The following ZNF723 variants were observed in gnomAD, a reference collection of about 807,000 sequenced individuals.
The protein encoded by ZNF723 is zinc finger protein 723.
A neutral mutation model predicts 9.4 loss-of-function variants in ZNF723; 5 were observed. The ratio of observed to expected loss-of-function variants is 0.53; its 90% CI spans 0.28 to 1.12. The LOEUF is 1.12. ZNF723 is among the 50% of genes most tolerant of loss of function. ZNF723 has a pLI of 0.10. For missense variants in ZNF723, 450 were observed against 501.5 expected, an observed-to-expected ratio of 0.90 and a Z score of 0.98; for synonymous variants, 158 against 168.8, an observed-to-expected ratio of 0.94 and a Z score of 0.49.
intron 3 of ZNF723, among the ~76,000 whole-genome samples, chr19:22,852,464 CTCTA>C (rs370755373): frequency 6.6e-6 from 1 of 151,950 alleles, no homozygotes; most frequent in Admixed American, 6.6e-5. Flanking sequence ...TAAATATTAT[CTCTA>C]TCTTTTATGA....
chr19:22,818,959 C>T, the ZNF723 span, among the ~76,000 whole-genome samples: 3 of 152,150 alleles, frequency 2.0e-5, no homozygotes, highest in African/African-American at 4.8e-5. Flanking sequence ...ATCTCTGCAC[C>T]TATTACTCAG....
chr19:22,848,909 C>T (rs1054497803), intron 2 of ZNF723, among the ~76,000 whole-genome samples: 3 of 151,920 alleles, frequency 2.0e-5, no homozygotes, highest in African/African-American at 7.3e-5. Context: ...CATGTGCCAC[C>T]AAGCCCAGCT....
chr19:22,814,948 G>A, the ZNF723 span, among the ~76,000 whole-genome samples: 6 of 152,050 alleles, frequency 3.9e-5, no homozygotes, highest in East Asian at 1.2e-3. Context: ...TATGTCACTG[G>A]GCCTATCACC....
At chr19:22,812,954 T>TTTG in the ZNF723 span, among the ~76,000 whole-genome samples, 26 of 151,304 alleles carry the variant, frequency 1.7e-4, no homozygotes, top group African/African-American at 4.6e-4. Context: ...AAGGTGTTTT[T>TTTG]TTTGTTTGTT....
At chr19:22,844,147 G>T (rs550215866) in intron 1 of ZNF723, among the ~76,000 whole-genome samples, 1 of 152,218 alleles carries the variant, frequency 6.6e-6, no homozygotes, top group South Asian at 2.1e-4. Flanking sequence ...GAACCCCAAA[G>T]GAGATAAAGG....
intron 3 of ZNF723, among the ~76,000 whole-genome samples, chr19:22,854,310 CTCT>C (rs1380965447): frequency 5.9e-5 from 9 of 151,896 alleles, no homozygotes; most frequent in South Asian, 4.2e-4. Flanking sequence ...TTATTTTGAT[CTCT>C]TCTTCTCTCA....
upstream of ZNF723, among the ~76,000 whole-genome samples, chr19:22,829,446 C>T (rs1185482832): frequency 4.0e-5 from 6 of 151,856 alleles, no homozygotes; most frequent in East Asian, 1.2e-3. Flanking sequence ...CTATCATGCC[C>T]GGCTAATTTT....
intron 3 of ZNF723, among the ~76,000 whole-genome samples, chr19:22,852,847 A>G (rs968673756): frequency 3.3e-5 from 5 of 152,180 alleles, no homozygotes; most frequent in Non-Finnish European, 7.4e-5. Context: ...AAATGCCACT[A>G]TGTTTTCTGT....
upstream of ZNF723, among the ~76,000 whole-genome samples, chr19:22,831,889 CA>C (rs201513491): frequency 0.021 from 3,178 of 150,012 alleles, 51 homozygotes; most frequent in South Asian, 0.033. Flanking sequence ...TCCTGGGCGA[CA>C]AGAGCGAGAC....
intron 3 of ZNF723, 147 bp downstream of exon 3, chr19:22,849,440 A>T: frequency 2.4e-6 from 1 of 422,742 alleles, no homozygotes; most frequent in Non-Finnish European, 4.3e-6. Context: ...TTTTACTCTC[A>T]CATAGGGGCA....
Position 22,848,120 on chromosome 19 carries a change from AAT to A in ZNF723, c.4-140_4-139del, listed in dbSNP as rs1048305059. 6 of 386,138 alleles carry A rather than the reference AAT, an allele frequency of 1.6e-5. No homozygotes were observed. The South Asian group carries it at 3.1e-4, about 20-fold the overall frequency. 23.9% of individuals were successfully genotyped at this position (386,138 alleles called of 1,614,324 possible). ...TCTGTCTTAAAAAAAAAAAAAAAAA[AAT>A]TATTGGAGGATTTCAGTCATTCCTA... On this transcript the variant is annotated intron_variant, in intron 1 of 3. Coordinates refer to ENST00000600766, the MANE Select transcript of ZNF723 (RefSeq NM_001349726.2).
chr19:22,843,648 C>CA (rs1967274200), intron 1 of ZNF723, among the ~76,000 whole-genome samples: 1 of 151,952 alleles, frequency 6.6e-6, no homozygotes, highest in Admixed American at 6.6e-5. Flanking sequence ...CAGATGTGTG[C>CA]AAAAAAATTT....
Position 22,857,515 on chromosome 19 carries a change from A to G in ZNF723, c.624A>G (p.Lys208=). Residue 208 remains lysine, a synonymous_variant, in exon 4 of 4, where the codon AAA becomes AAG. Transcript: ENST00000600766. ...GTTACAAATGTGAAGAATGTGGCAA[A>G]GCCTTTAGTGTGCCCTCAAAGCTTA... ...VNCYKCEECG[K]AFSVPSKLNN... 1 of 1,223,998 alleles carries G rather than the reference A, an allele frequency of 8.2e-7. No homozygotes were observed. 75.8% of individuals were successfully genotyped at this position (1,223,998 alleles called of 1,614,324 possible).
At chr19:22,832,868 G>A (rs2145203474) in intron 1 of ZNF723, among the ~76,000 whole-genome samples, 1 of 152,208 alleles carries the variant, frequency 6.6e-6, no homozygotes, top group African/African-American at 2.4e-5. Context: ...CCATTAGAGG[G>A]GCTTGAAGAA....
the ZNF723 span, among the ~76,000 whole-genome samples, chr19:22,812,735 T>A: frequency 6.6e-6 from 1 of 152,158 alleles, no homozygotes; most frequent in African/African-American, 2.4e-5. Flanking sequence ...CAAGTCTCCC[T>A]CATGAAAACA....
the ZNF723 span, among the ~76,000 whole-genome samples, chr19:22,818,497 G>A: frequency 2.6e-5 from 4 of 152,206 alleles, no homozygotes; most frequent in African/African-American, 9.6e-5. Flanking sequence ...GTTTGCAGGA[G>A]GGATTGAGTC....
At chr19:22,822,779 G>A in the ZNF723 span, among the ~76,000 whole-genome samples, 4 of 152,064 alleles carry the variant, frequency 2.6e-5, no homozygotes, top group Admixed American at 2.0e-4. Flanking sequence ...GGAGAATTGC[G>A]TGAACCTGGG....
At chr19:22,831,366 G>T (rs2145201633), upstream of ZNF723, among the ~76,000 whole-genome samples, 1 of 151,316 alleles carries the variant, frequency 6.6e-6, no homozygotes, top group Middle Eastern at 3.5e-3. Context: ...AGACCAGCGT[G>T]CCCAACATGG....
upstream of ZNF723, among the ~76,000 whole-genome samples, chr19:22,829,239 A>G (rs1250993075): frequency 6.6e-6 from 1 of 152,040 alleles, no homozygotes; most frequent in Middle Eastern, 3.4e-3. Context: ...AAAAAAAAAA[A>G]AAACACAGTT....
Sources: gnomAD v4.1 joint callset for allele counts (sites outside exome capture counted in the v4.1 genomes callset) on GRCh38, gnomAD v4.1.1 for gene constraint, MANE v1.5 for transcripts, NCBI Gene and HGNC (gene_info 2026-07-23, HGNC 2026-07-21) for gene names.